Variants in ZNF385D observed in about 807,000 individuals in gnomAD.
ZNF385D encodes the protein zinc finger protein 659.
Under a neutral mutation model 35.8 loss-of-function variants are expected in ZNF385D, and 15 were observed. That is an observed-to-expected ratio of 0.42 (90% CI 0.28 to 0.64). The LOEUF (loss-of-function observed/expected upper bound fraction) is 0.64. Ranked by LOEUF, ZNF385D falls within the 30% of genes least tolerant of loss-of-function variation. ZNF385D has a pLI of 0.23. For missense variants in ZNF385D, 474 were observed against 494.6 expected (o/e 0.96, Z 0.39); for synonymous variants, 212 against 186.8 (o/e 1.13, Z -1.10).
chr3:21,602,694 G>C (rs1055857616), intron 2 of ZNF385D, among the ~76,000 whole-genome samples: 1 of 147,856 alleles, frequency 6.8e-6, no homozygotes, highest in African/African-American at 2.6e-5. Flanking sequence ...CACCGCGCCC[G>C]GCTAATTTTT....
chr3:21,973,173 T>C (rs958750648), intron 3 of ZNF385D, among the ~76,000 whole-genome samples: 66 of 151,690 alleles, frequency 4.4e-4, no homozygotes, highest in Non-Finnish European at 1.2e-4. Flanking sequence ...CTCAACAAAA[T>C]ACCAAACGAC....
intron 2 of ZNF385D, among the ~76,000 whole-genome samples, chr3:22,197,919 T>C (rs1260219853): frequency 6.6e-6 from 1 of 152,132 alleles, no homozygotes; most frequent in African/African-American, 2.4e-5. Context: ...TATCATTTTA[T>C]GTAGCTTTCA....
At chr3:22,244,391 AAT>A (rs1372990176) in intron 2 of ZNF385D, among the ~76,000 whole-genome samples, 12 of 142,562 alleles carry the variant, frequency 8.4e-5, no homozygotes, top group South Asian at 2.3e-4. Flanking sequence ...AAAAAAAAAA[AAT>A]GAAAACATAA....
At chr3:22,296,230 T>C (rs1702569582) in intron 2 of ZNF385D, among the ~76,000 whole-genome samples, 1 of 152,176 alleles carries the variant, frequency 6.6e-6, no homozygotes, top group Admixed American at 6.5e-5. Context: ...ATTGTGTTTG[T>C]TACTTCTTGG....
chr3:21,983,215 C>T (rs1272156124), intron 3 of ZNF385D, among the ~76,000 whole-genome samples: 2 of 143,910 alleles, frequency 1.4e-5, no homozygotes, highest in East Asian at 2.0e-4. Context: ...GCACATTGTG[C>T]AGGTTAGTTA....
chr3:21,877,736 A>G (rs575989891), intron 3 of ZNF385D: 1 of 152,134 alleles, frequency 6.6e-6, no homozygotes, highest in African/African-American at 2.4e-5. Flanking sequence ...TTTGTAATGG[A>G]CGAACCTAAG....
chr3:21,808,364 C>T (rs942793740), intron 3 of ZNF385D, among the ~76,000 whole-genome samples: 2 of 152,170 alleles, frequency 1.3e-5, no homozygotes, highest in African/African-American at 4.8e-5. Context: ...CAGGAAAACA[C>T]TAGAAGCTAT....
intron 3 of ZNF385D, among the ~76,000 whole-genome samples, chr3:21,528,925 G>A (rs919680267): frequency 1.2e-4 from 18 of 152,038 alleles, no homozygotes; most frequent in Non-Finnish European, 1.6e-4. Flanking sequence ...CAAGTTCTAT[G>A]GCCTTAAGAA....
chr3:21,492,661 A>G (rs894267258), intron 4 of ZNF385D, among the ~76,000 whole-genome samples: 3 of 151,802 alleles, frequency 2.0e-5, no homozygotes, highest in East Asian at 1.9e-4. Context: ...GCGAACACCT[A>G]TAGTCCCAGC....
intron 3 of ZNF385D, among the ~76,000 whole-genome samples, chr3:21,760,794 C>A (rs1263359582): frequency 1.3e-5 from 2 of 152,038 alleles, no homozygotes; most frequent in African/African-American, 4.8e-5. Flanking sequence ...GAGAACAAAG[C>A]AAATGATAAT....
At chr3:21,887,496 T>C (rs1191346644) in intron 3 of ZNF385D, among the ~76,000 whole-genome samples, 1 of 152,164 alleles carries the variant, frequency 6.6e-6, no homozygotes, top group African/African-American at 2.4e-5. Context: ...AAAATAACAC[T>C]TTGTTTTAGT....
intron 3 of ZNF385D, among the ~76,000 whole-genome samples, chr3:22,152,414 C>G (rs1705296673): frequency 6.6e-6 from 1 of 152,074 alleles, no homozygotes; most frequent in African/African-American, 2.4e-5. Context: ...TAAGACAAAA[C>G]AAATTTATCA....
At chr3:22,026,015 A>G (rs919227865) in intron 3 of ZNF385D, among the ~76,000 whole-genome samples, 3 of 152,192 alleles carry the variant, frequency 2.0e-5, no homozygotes, top group African/African-American at 4.8e-5. Flanking sequence ...TGGACAGCAG[A>G]GGCAAAGCAG....
chr3:21,761,457 A>G (rs2070604405), intron 3 of ZNF385D, among the ~76,000 whole-genome samples: 1 of 152,252 alleles, frequency 6.6e-6, no homozygotes, highest in Non-Finnish European at 1.5e-5. Flanking sequence ...AAGGTGGTCT[A>G]GAATTCAGCT....
At chr3:21,910,722 G>A (rs1461751491) in intron 3 of ZNF385D, among the ~76,000 whole-genome samples, 2 of 151,518 alleles carry the variant, frequency 1.3e-5, no homozygotes, top group East Asian at 1.9e-4. Flanking sequence ...TGGGCCAGGG[G>A]ACGGGGGGCA....
chr3:21,901,312 G>A (rs901089466), intron 3 of ZNF385D, among the ~76,000 whole-genome samples: 6 of 151,994 alleles, frequency 3.9e-5, no homozygotes, highest in Non-Finnish European at 8.8e-5. Flanking sequence ...CCTAAACTTT[G>A]GTTTACAGTT....
chr3:22,341,589 T>C (rs1460310632), intron 2 of ZNF385D, among the ~76,000 whole-genome samples: 4 of 152,220 alleles, frequency 2.6e-5, no homozygotes. Flanking sequence ...ACTATCTGAA[T>C]GGCAAAGGGG....
chr3:22,268,109 T>C (rs1700987872), intron 2 of ZNF385D, among the ~76,000 whole-genome samples: 1 of 152,004 alleles, frequency 6.6e-6, no homozygotes, highest in Admixed American at 6.6e-5. Flanking sequence ...GTAACAAAAA[T>C]TGATTATTTA....
intron 3 of ZNF385D, among the ~76,000 whole-genome samples, chr3:21,521,146 A>T (rs1707876542): frequency 6.6e-6 from 1 of 152,214 alleles, no homozygotes; most frequent in Non-Finnish European, 1.5e-5. Flanking sequence ...ATGTTCAATT[A>T]TTAATGAGAT....
Sources: allele counts gnomAD v4.1 joint callset (sites outside exome capture counted in the v4.1 genomes callset), GRCh38; gene constraint gnomAD v4.1.1; transcripts MANE v1.5; gene names NCBI Gene and HGNC (gene_info 2026-07-23, HGNC 2026-07-21).